PRTFDC1: variants seen among roughly 807,000 people sequenced by gnomAD.
The protein encoded by PRTFDC1 is phosphoribosyltransferase domain-containing protein 1.
Under a neutral mutation model 34.6 loss-of-function variants are expected in PRTFDC1, and 38 were observed. The ratio of observed to expected loss-of-function variants is 1.10; its 90% CI spans 0.85 to 1.44. PRTFDC1 has a LOEUF of 1.44. Among genes scored for constraint, PRTFDC1 ranks in the 40% most tolerant of loss-of-function variants. The pLI is 0.00. For missense variants in PRTFDC1, 270 were observed against 283.0 expected (o/e 0.95, Z 0.33); for synonymous variants, 93 against 98.1 (o/e 0.95, Z 0.31).
At position 24,875,846 on chromosome 10, in the gene PRTFDC1, GTTTT is replaced by G. The variant is rs61379088; in HGVS notation, c.340-3787_340-3784del. Among the ~76,000 whole-genome samples, 306 of 96,724 alleles carry G rather than the reference GTTTT, an allele frequency of 3.2e-3. 1 individual carries two copies. Among genetic ancestry groups the G allele is most frequent in the African/African-American group, 0.011 (269 of 23,938 alleles). 63.5% of individuals were successfully genotyped at this position (96,724 alleles called of 152,430 possible). The stretch of plus-strand genomic sequence containing the variant: ...AAATCATATTGTTATAATTCTCATA[GTTTT>G]TTTTTTTTTTTTTTTTTTTTTAAGA... On this transcript the variant is annotated intron_variant, in intron 3 of 8. Coordinates refer to ENST00000320152, the MANE Select transcript of PRTFDC1 (RefSeq NM_020200.7).
intron 3 of PRTFDC1, among the ~76,000 whole-genome samples, chr10:24,928,418 T>C (rs7921693): frequency 0.32 from 48,950 of 151,840 alleles, 9,267 homozygotes; most frequent in African/African-American, 0.53. Context: ...ACAGATTTCC[T>C]GTCTCAGAAA....
intron 7 of PRTFDC1, among the ~76,000 whole-genome samples, chr10:24,852,206 C>T (rs900210528): frequency 4.0e-5 from 6 of 151,110 alleles, no homozygotes; most frequent in South Asian, 2.1e-4. Context: ...TTTCTGAGAC[C>T]GAGTCTCGCG....
intron 3 of PRTFDC1, among the ~76,000 whole-genome samples, chr10:24,876,119 C>CT (rs1847959037): frequency 6.6e-6 from 1 of 152,094 alleles, no homozygotes; most frequent in South Asian, 2.1e-4. Context: ...TGGCTCATGC[C>CT]TGCAGAGGCA....
At chr10:24,858,457 C>T in intron 4 of PRTFDC1, 48 bp from the exon 5 acceptor site, 1 of 1,584,518 alleles carries the variant, frequency 6.3e-7, no homozygotes. Context: ...CAATCTGACT[C>T]ACAGGATACA....
chr10:24,861,878 A>T (rs1442457064), intron 4 of PRTFDC1, among the ~76,000 whole-genome samples: 1 of 151,962 alleles, frequency 6.6e-6, no homozygotes, highest in African/African-American at 2.4e-5. Flanking sequence ...GCCTCAAGTG[A>T]TCCTCCCTCC....
chr10:24,903,735 G>T (rs1460711059), intron 3 of PRTFDC1, among the ~76,000 whole-genome samples: 1 of 149,396 alleles, frequency 6.7e-6, no homozygotes, highest in Non-Finnish European at 1.5e-5. Context: ...ACAGGGTCTT[G>T]CTCTGTCATC....
chr10:24,889,314 C>T (rs1012792536), intron 3 of PRTFDC1, among the ~76,000 whole-genome samples: 13 of 152,154 alleles, frequency 8.5e-5, no homozygotes, highest in Admixed American at 2.0e-4. Context: ...AATCTGCCAG[C>T]GCCTTGATCT....
At chr10:24,905,362 G>A (rs965839882) in intron 3 of PRTFDC1, among the ~76,000 whole-genome samples, 1 of 128,666 alleles carries the variant, frequency 7.8e-6, no homozygotes, top group Admixed American at 9.1e-5. Context: ...TCACTCTGTC[G>A]CCAGGATGGA....
chr10:24,905,012 A>G (rs139326024), intron 3 of PRTFDC1, among the ~76,000 whole-genome samples: 8 of 152,182 alleles, frequency 5.3e-5, no homozygotes, highest in Admixed American at 2.0e-4. Context: ...CATTATGTAC[A>G]AAAGTCTATG....
chr10:24,942,567 T>C (rs1463852105), intron 1 of PRTFDC1, 131 bp from the exon 2 acceptor site: 2 of 722,018 alleles, frequency 2.8e-6, no homozygotes, highest in East Asian at 5.2e-5. Flanking sequence ...GTTATTTGTT[T>C]CCACAACCTG....
chr10:24,870,493 A>AACT (rs759703378), intron 4 of PRTFDC1, among the ~76,000 whole-genome samples: 3 of 152,186 alleles, frequency 2.0e-5, no homozygotes, highest in Non-Finnish European at 4.4e-5. Flanking sequence ...GCACAAGGTA[A>AACT]ACTATTTCTT....
chr10:24,881,303 C>T (rs1195393385), intron 3 of PRTFDC1, among the ~76,000 whole-genome samples: 1 of 152,066 alleles, frequency 6.6e-6, no homozygotes, highest in African/African-American at 2.4e-5. Flanking sequence ...TTCCTGGCCT[C>T]AAGTGATCCT....
intron 3 of PRTFDC1, among the ~76,000 whole-genome samples, chr10:24,886,855 G>A (rs1565266443): frequency 6.6e-6 from 1 of 151,838 alleles, no homozygotes; most frequent in African/African-American, 2.4e-5. Context: ...AGTAGCCAGG[G>A]TCTATGTTCC....
At chr10:24,943,581 C>T (rs923812269) in intron 1 of PRTFDC1, among the ~76,000 whole-genome samples, 12 of 150,302 alleles carry the variant, frequency 8.0e-5, no homozygotes, top group South Asian at 4.2e-4. Flanking sequence ...GACAGGGTCC[C>T]GCACTGTCAC....
intron 4 of PRTFDC1, among the ~76,000 whole-genome samples, chr10:24,869,914 T>A (rs905935584): frequency 7.9e-5 from 12 of 152,196 alleles, no homozygotes; most frequent in Non-Finnish European, 1.3e-4. Context: ...TCTTTCTAAT[T>A]TCTATATAAG....
Position 24,908,813 on chromosome 10 carries a change from C to G in PRTFDC1, c.339+28371G>C, listed in dbSNP as rs1177864315. 3 of 1,372,864 alleles carry G rather than the reference C, an allele frequency of 2.2e-6. No individual in the cohort carries two copies. The East Asian group carries it at 7.6e-5, about 35-fold the overall frequency. The allele number at this position is 1,372,864 out of a possible 1,614,324, so 85.0% of individuals were successfully genotyped here. On this transcript the variant is annotated intron_variant, in intron 3 of 8. Coordinates refer to ENST00000320152, the MANE Select transcript of PRTFDC1 (RefSeq NM_020200.7). The stretch of plus-strand genomic sequence containing the variant: ...CCACAGCCAGATAGCCCTCACATCC[C>G]CCTTTTCCAAATAGCCCATTTGATT...
chr10:24,941,885 GTTC>G (rs967828846), intron 2 of PRTFDC1, among the ~76,000 whole-genome samples: 13 of 152,200 alleles, frequency 8.5e-5, no homozygotes, highest in South Asian at 2.1e-4. Context: ...TCTTTTCTGT[GTTC>G]TTCTTTTCTT....
intron 3 of PRTFDC1, among the ~76,000 whole-genome samples, chr10:24,923,333 C>T (rs541416295): frequency 1.4e-4 from 22 of 152,364 alleles, no homozygotes; most frequent in South Asian, 6.2e-4. Context: ...TGAGAACGGA[C>T]AGACTGCCTC....
At chr10:24,857,866 C>CT (rs951693261) in intron 5 of PRTFDC1, among the ~76,000 whole-genome samples, 21 of 151,794 alleles carry the variant, frequency 1.4e-4, no homozygotes, top group Non-Finnish European at 1.8e-4. Flanking sequence ...TCTTTTCTCT[C>CT]TTTTTTTTAA....
Sources: gnomAD v4.1 joint callset for allele counts (sites outside exome capture counted in the v4.1 genomes callset) on GRCh38, gnomAD v4.1.1 for gene constraint, MANE v1.5 for transcripts, NCBI Gene and HGNC (gene_info 2026-07-23, HGNC 2026-07-21) for gene names.